LARGE1: variants seen among roughly 807,000 people sequenced by gnomAD.
The protein encoded by LARGE1 is LARGE xylosyl- and glucuronyltransferase 1.
Under a neutral mutation model 87.6 loss-of-function variants are expected in LARGE1, and 43 were observed. The observed-to-expected ratio is 0.49, with a 90% CI of 0.38 to 0.63. The LOEUF (loss-of-function observed/expected upper bound fraction) is 0.63. Ranked by LOEUF, LARGE1 falls within the 30% of genes least tolerant of loss-of-function variation. The pLI is 0.00. For missense variants in LARGE1, 802 were observed against 1,000.2 expected, an observed-to-expected ratio of 0.80 and a Z score of 2.67; for synonymous variants, 434 against 394.6, an observed-to-expected ratio of 1.10 and a Z score of -1.18.
chr22:33,583,718 T>C (rs1240492136), intron 5 of LARGE1, among the ~76,000 whole-genome samples: 12 of 151,950 alleles, frequency 7.9e-5, no homozygotes, highest in African/African-American at 2.4e-5. Flanking sequence ...GACAGTTGGG[T>C]CCCCCCCATC....
downstream of LARGE1, among the ~76,000 whole-genome samples, chr22:33,161,430 A>C (rs184018209): frequency 8.7e-4 from 133 of 152,330 alleles, no homozygotes; most frequent in Middle Eastern, 0.02. Context: ...ACCCAATAAA[A>C]GTCCAAGTCC....
chr22:33,123,651 G>C, the LARGE1 span, among the ~76,000 whole-genome samples: 1 of 152,204 alleles, frequency 6.6e-6, no homozygotes, highest in Non-Finnish European at 1.5e-5. Context: ...ATTCTACAGA[G>C]AGCAATGAAA....
intron 6 of LARGE1, among the ~76,000 whole-genome samples, chr22:33,489,339 A>G (rs1377895725): frequency 6.6e-6 from 1 of 152,190 alleles, no homozygotes; most frequent in Non-Finnish European, 1.5e-5. Context: ...TCAATCATTC[A>G]TTCAAGAAAT....
intron 1 of LARGE1, among the ~76,000 whole-genome samples, chr22:33,762,194 A>G (rs2084754441): frequency 7.1e-6 from 1 of 141,526 alleles, no homozygotes; most frequent in Non-Finnish European, 1.5e-5. Context: ...AGCCAGGGAG[A>G]CAGAGCGAGA....
chr22:33,748,527 T>C (rs1236908744), intron 2 of LARGE1, among the ~76,000 whole-genome samples: 2 of 152,216 alleles, frequency 1.3e-5, no homozygotes, highest in East Asian at 3.8e-4. Flanking sequence ...CTAGGCACCA[T>C]GGACTCGTTT....
At chr22:33,918,435 G>C (rs1441888299) in intron 1 of LARGE1, among the ~76,000 whole-genome samples, 1 of 152,176 alleles carries the variant, frequency 6.6e-6, no homozygotes, top group African/African-American at 2.4e-5. Context: ...GTTCGAGTGA[G>C]TTTTCTTCCT....
chr22:33,248,274 G>A (rs1188213838), intron 11 of LARGE1, among the ~76,000 whole-genome samples: 1 of 152,038 alleles, frequency 6.6e-6, no homozygotes. Flanking sequence ...TGCAACCTCT[G>A]CCTCCCAGGT....
At chr22:33,203,551 AGT>A (rs1365596618) in intron 11 of LARGE1, among the ~76,000 whole-genome samples, 2 of 152,246 alleles carry the variant, frequency 1.3e-5, no homozygotes, top group Admixed American at 6.5e-5. Flanking sequence ...CACAGCTGTC[AGT>A]GTTTTCAGCC....
intron 11 of LARGE1, among the ~76,000 whole-genome samples, chr22:33,243,630 C>T (rs1045392880): frequency 5.3e-5 from 8 of 152,192 alleles, no homozygotes; most frequent in African/African-American, 1.7e-4. Flanking sequence ...ACCAACATTT[C>T]TCTATCCGTT....
intron 6 of LARGE1, among the ~76,000 whole-genome samples, chr22:33,540,852 A>G (rs2077171238): frequency 6.6e-6 from 1 of 151,992 alleles, no homozygotes; most frequent in Non-Finnish European, 1.5e-5. Context: ...AAAGTATGGC[A>G]GACGGGCACA....
chr22:33,583,661 T>G (rs2078585227), intron 5 of LARGE1, among the ~76,000 whole-genome samples: 2 of 152,186 alleles, frequency 1.3e-5, no homozygotes, highest in African/African-American at 4.8e-5. Context: ...GATTTTAAAA[T>G]GGAATCTGTA....
At chr22:33,212,168 G>A (rs1924997121) in intron 11 of LARGE1, among the ~76,000 whole-genome samples, 1 of 151,166 alleles carries the variant, frequency 6.6e-6, no homozygotes. Flanking sequence ...AAAAAAAAAA[G>A]CCATCTAGGA....
chr22:33,478,150 C>T (rs1325534262), intron 6 of LARGE1, among the ~76,000 whole-genome samples: 1 of 152,158 alleles, frequency 6.6e-6, no homozygotes, highest in Admixed American at 6.6e-5. Flanking sequence ...CCAGAGGGAG[C>T]AATAACATGG....
At chr22:33,407,104 T>C (rs993223184) in intron 7 of LARGE1, among the ~76,000 whole-genome samples, 1 of 152,190 alleles carries the variant, frequency 6.6e-6, no homozygotes, top group African/African-American at 2.4e-5. Flanking sequence ...AAAATGCATA[T>C]AATATATACT....
rs553914684 is a variant in LARGE1, at chr22:33,577,403, T to C, written c.616-12384A>G. 2.0e-5 allele frequency among the ~76,000 whole-genome samples: 3 copies of C among 152,342 alleles called. No individual in the cohort carries two copies. The South Asian group carries it at 6.2e-4, about 32-fold the overall frequency. On this transcript the variant is annotated intron_variant, in intron 5 of 14. Coordinates refer to ENST00000397394, the MANE Select transcript of LARGE1 (RefSeq NM_133642.5). ...CATCTCAAAAACCTGCTCCCCGATC[T>C]TAGCCTCTGCTGAATCCAACAGTTC...
At chr22:33,166,715 G>A in exon 12 of LARGE1, 1 of 470,590 alleles carries the variant, frequency 2.1e-6, no homozygotes, top group South Asian at 1.6e-5. Context: ...TAGGGCTCAT[G>A]AAGAACAGTA....
chr22:33,379,599 T>C (rs908320153), intron 9 of LARGE1, among the ~76,000 whole-genome samples: 5 of 152,206 alleles, frequency 3.3e-5, no homozygotes, highest in African/African-American at 1.2e-4. Flanking sequence ...GTGGCACATA[T>C]ACACCATGGA....
chr22:33,287,001 T>C (rs1931671314), intron 12 of LARGE1, among the ~76,000 whole-genome samples: 1 of 152,176 alleles, frequency 6.6e-6, no homozygotes, highest in South Asian at 2.1e-4. Context: ...ATCAGTTTCT[T>C]ACTCTTGGAA....
chr22:33,591,066 T>TGGTG (rs1203493945), intron 5 of LARGE1, among the ~76,000 whole-genome samples: 1 of 152,108 alleles, frequency 6.6e-6, no homozygotes, highest in Admixed American at 6.5e-5. Flanking sequence ...CTGGGCGTGG[T>TGGTG]GGTGGGTGCC....
Sources: gnomAD v4.1 joint callset for allele counts (sites outside exome capture counted in the v4.1 genomes callset) on GRCh38, gnomAD v4.1.1 for gene constraint, MANE v1.5 for transcripts, NCBI Gene and HGNC (gene_info 2026-07-23, HGNC 2026-07-21) for gene names.